AGBL1: variants seen among roughly 807,000 people sequenced by gnomAD.
AGBL1 encodes cytosolic carboxypeptidase 4.
AGBL1 carries 130 observed loss-of-function variants against 118.9 expected under a neutral mutation model. That is an observed-to-expected ratio of 1.09 (90% confidence interval 0.95 to 1.26). AGBL1 has a LOEUF of 1.26. AGBL1 is among the 50% of genes most tolerant of loss of function. The pLI is 0.00. For synonymous variants in AGBL1, 555 were observed against 478.9 expected (o/e 1.16, Z -2.08); for missense variants, 1,584 against 1,298.1 (o/e 1.22, Z -3.38).
chr15:86,602,767 T>C (rs2084516087), intron 21 of AGBL1, among the ~76,000 whole-genome samples: 1 of 152,166 alleles, frequency 6.6e-6, no homozygotes, highest in Non-Finnish European at 1.5e-5. Context: ...ATGAGAATTC[T>C]GAAGTTAAAA....
downstream of AGBL1, among the ~76,000 whole-genome samples, chr15:86,919,902 G>A (rs1239547465): frequency 6.6e-6 from 1 of 152,186 alleles, no homozygotes; most frequent in East Asian, 1.9e-4. Flanking sequence ...AGTAGGCAGG[G>A]GCTGCCTGGC....
intron 5 of AGBL1, among the ~76,000 whole-genome samples, chr15:86,180,186 A>G (rs1417797516): frequency 6.6e-6 from 1 of 152,106 alleles, no homozygotes; most frequent in East Asian, 1.9e-4. Context: ...TGTTGTGGAA[A>G]CTGATACATT....
intron 24 of AGBL1, among the ~76,000 whole-genome samples, chr15:87,022,656 G>A (rs184175041): frequency 1.0e-3 from 156 of 152,128 alleles, no homozygotes; most frequent in African/African-American, 3.7e-3. Context: ...CATTGTCATC[G>A]GGTTATATAA....
chr15:86,695,856 T>C (rs1455165628), intron 22 of AGBL1, among the ~76,000 whole-genome samples: 1 of 152,018 alleles, frequency 6.6e-6, no homozygotes, highest in African/African-American at 2.4e-5. Context: ...ATTGACCCAA[T>C]GATCATTCTT....
intron 21 of AGBL1, among the ~76,000 whole-genome samples, chr15:86,664,800 A>G (rs140448060): frequency 2.8e-3 from 420 of 152,122 alleles, no homozygotes; most frequent in African/African-American, 9.7e-3. Context: ...ATGATTTATA[A>G]AAGTTAATTT....
At chr15:86,589,786 T>C (rs1345559302) in intron 21 of AGBL1, among the ~76,000 whole-genome samples, 4 of 152,160 alleles carry the variant, frequency 2.6e-5, no homozygotes, top group African/African-American at 9.7e-5. Flanking sequence ...CTTTATCTAA[T>C]CTATCATTTC....
intron 21 of AGBL1, among the ~76,000 whole-genome samples, chr15:86,594,669 G>T (rs1243165084): frequency 6.6e-6 from 1 of 152,100 alleles, no homozygotes; most frequent in Admixed American, 6.6e-5. Flanking sequence ...ATGTTAGTAT[G>T]CTACATGATA....
chr15:86,362,309 A>G (rs2080816817), intron 17 of AGBL1, among the ~76,000 whole-genome samples: 1 of 152,228 alleles, frequency 6.6e-6, no homozygotes, highest in African/African-American at 2.4e-5. Flanking sequence ...TAACTTCGAT[A>G]GTAGAGTTAA....
chr15:86,532,848 C>G (rs1251629974), intron 19 of AGBL1, among the ~76,000 whole-genome samples: 2 of 73,990 alleles, frequency 2.7e-5, no homozygotes, highest in Non-Finnish European at 4.8e-5. Flanking sequence ...CTGAGAAAAA[C>G]AAGCAATGGG....
intron 21 of AGBL1, among the ~76,000 whole-genome samples, chr15:86,635,254 C>T (rs866789283): frequency 3.5e-4 from 32 of 90,770 alleles, no homozygotes; most frequent in South Asian, 5.9e-4. Context: ...TCCTCCTCCT[C>T]CCCCTCCCCC....
chr15:86,557,901 A>C lies in AGBL1; in HGVS notation c.2994+3364A>C, dbSNP rs8034619. Among the ~76,000 whole-genome samples, 1,149 of 152,278 alleles carry C rather than the reference A, an allele frequency of 7.5e-3. 14 individuals are homozygous for C. The highest frequency in any genetic ancestry group is 0.026 in the African/African-American group (1,065 of 41,552). Reference sequence around the variant, plus strand: ...CCTTGGGTAAGTAGAAAAAGAGAAGAAATTATTGTGGTCCAAATGTGATCA... The same window carrying C: ...CCTTGGGTAAGTAGAAAAAGAGAAGCAATTATTGTGGTCCAAATGTGATCA... On this transcript the variant is annotated intron_variant, in intron 21 of 22. Coordinates refer to ENST00000614907, the MANE Select transcript of AGBL1 (RefSeq NM_001386094.1).
chr15:86,082,249 T>G (rs1482513800), intron 1 of AGBL1, among the ~76,000 whole-genome samples: 1 of 152,240 alleles, frequency 6.6e-6, no homozygotes, highest in East Asian at 1.9e-4. Context: ...CTGCTCCCCA[T>G]GGACTTAAAC....
At chr15:86,743,519 A>G (rs1286090788) in intron 22 of AGBL1, among the ~76,000 whole-genome samples, 1 of 152,090 alleles carries the variant, frequency 6.6e-6, no homozygotes, top group African/African-American at 2.4e-5. Flanking sequence ...GGTTGTGGCC[A>G]TAGTGCATGT....
intron 19 of AGBL1, among the ~76,000 whole-genome samples, chr15:86,541,357 T>A (rs2083491668): frequency 6.6e-6 from 1 of 152,068 alleles, no homozygotes. Flanking sequence ...TAACAAGACC[T>A]CCAGGTTATT....
intron 19 of AGBL1, among the ~76,000 whole-genome samples, chr15:86,545,174 G>C (rs965923231): frequency 6.6e-6 from 1 of 152,156 alleles, no homozygotes; most frequent in Non-Finnish European, 1.5e-5. Flanking sequence ...TCAAATTAGG[G>C]CTTCTTTAGC....
intron 17 of AGBL1, among the ~76,000 whole-genome samples, chr15:86,340,309 A>G (rs1470536615): frequency 6.8e-6 from 1 of 147,862 alleles, no homozygotes; most frequent in Non-Finnish European, 1.5e-5. Context: ...CCCCCCATTC[A>G]TGTCTATTCA....
chr15:86,527,064 C>T (rs1315660541), intron 19 of AGBL1, among the ~76,000 whole-genome samples: 1 of 152,150 alleles, frequency 6.6e-6, no homozygotes, highest in African/African-American at 2.4e-5. Flanking sequence ...TGACCTTCTC[C>T]CTCCTGCAAT....
rs2080402688 is a variant in AGBL1 at position 86,915,103 on chromosome 15, T to C, written c.*7809T>C. 2 of 152,212 alleles carry C rather than the reference T, an allele frequency of 1.3e-5. No homozygotes were observed. Among genetic ancestry groups the C allele is most frequent in the Non-Finnish European group, 2.9e-5 (2 of 68,048 alleles). The allele number at this position is 152,212 out of a possible 1,614,324, so 9.4% of individuals were successfully genotyped here. ...CACTAAATAGATGAATCTGCAATGTTGTTGAGTGTGAATCTTAGCTTTGGT... is the reference window on the plus strand; with the variant it reads ...CACTAAATAGATGAATCTGCAATGTCGTTGAGTGTGAATCTTAGCTTTGGT... On this transcript the variant is annotated 3_prime_UTR_variant, in exon 23 of 23. Coordinates refer to ENST00000614907, the MANE Select transcript of AGBL1 (RefSeq NM_001386094.1).
intron 5 of AGBL1, among the ~76,000 whole-genome samples, chr15:86,196,328 T>A (rs996622230): frequency 6.6e-6 from 1 of 152,198 alleles, no homozygotes; most frequent in African/African-American, 2.4e-5. Context: ...CCATACTCAG[T>A]GTTGATTGCA....
Sources: allele counts gnomAD v4.1 joint callset (sites outside exome capture counted in the v4.1 genomes callset), GRCh38; gene constraint gnomAD v4.1.1; transcripts MANE v1.5; gene names NCBI Gene and HGNC (gene_info 2026-07-23, HGNC 2026-07-21).